Variants in STXBP4 observed in about 807,000 individuals in gnomAD.
STXBP4 encodes syntaxin binding protein 4.
In STXBP4, 55 loss-of-function variants were observed where a neutral mutation model predicts 76.1. The observed-to-expected ratio is 0.72, with a 90% CI of 0.58 to 0.91. The LOEUF is 0.91. Among genes scored for constraint, STXBP4 ranks in the 40% least tolerant of loss-of-function variants. The pLI is 0.00. For missense variants in STXBP4, 618 were observed against 636.9 expected, an observed-to-expected ratio of 0.97 and a Z score of 0.32; for synonymous variants, 201 against 220.2, an observed-to-expected ratio of 0.91 and a Z score of 0.77.
At chr17:55,207,060 T>C in the STXBP4 span, among the ~76,000 whole-genome samples, 1 of 152,072 alleles carries the variant, frequency 6.6e-6, no homozygotes, top group East Asian at 1.9e-4. Flanking sequence ...TGGTTCACCC[T>C]ACAAGCTCAT....
chr17:55,012,066 C>T (rs1258820728), intron 8 of STXBP4, among the ~76,000 whole-genome samples: 1 of 152,100 alleles, frequency 6.6e-6, no homozygotes, highest in Non-Finnish European at 1.5e-5. Flanking sequence ...ATTTGAAGAA[C>T]TATTTATGGT....
intron 16 of STXBP4, among the ~76,000 whole-genome samples, chr17:55,115,436 A>G (rs1047658054): frequency 2.0e-5 from 3 of 151,784 alleles, no homozygotes; most frequent in Non-Finnish European, 4.4e-5. Context: ...GTATGTTTTC[A>G]TTTGTTCAGG....
intron 12 of STXBP4, among the ~76,000 whole-genome samples, chr17:55,066,616 A>G (rs1226611002): frequency 6.6e-6 from 1 of 152,232 alleles, no homozygotes; most frequent in Non-Finnish European, 1.5e-5. Flanking sequence ...TTGACAAACA[A>G]GTATAATTGT....
rs865913679 is a variant in STXBP4, at chr17:55,051,292, G to T, written c.1011+4138G>T. On this transcript the variant is annotated intron_variant, in intron 12 of 17. Coordinates refer to ENST00000376352, the MANE Select transcript of STXBP4 (RefSeq NM_178509.6). ...TGTACTGAAGAAAATGAATCTAATT[G>T]TATTTCAAATGAATACCATAATTAT... Among the ~76,000 whole-genome samples the T allele has an allele frequency of 2.0e-5, 3 of 151,994 alleles. No individual in the cohort carries two copies. The South Asian group carries it at 6.2e-4, about 32-fold the overall frequency.
chr17:55,002,177 A>C (rs73323227), intron 7 of STXBP4, among the ~76,000 whole-genome samples: 2,473 of 152,314 alleles, frequency 0.016, 68 homozygotes, highest in African/African-American at 0.057. Context: ...CAAATGAAAC[A>C]GTCATGAGAT....
At chr17:55,202,215 G>A in the STXBP4 span, among the ~76,000 whole-genome samples, 1 of 151,814 alleles carries the variant, frequency 6.6e-6, no homozygotes, top group African/African-American at 2.4e-5. Flanking sequence ...TACCAACTCA[G>A]CCTTTCCACA....
At chr17:55,121,015 CT>C (rs1242750935) in intron 16 of STXBP4, among the ~76,000 whole-genome samples, 1 of 152,130 alleles carries the variant, frequency 6.6e-6, no homozygotes, top group African/African-American at 2.4e-5. Context: ...TTTATACATG[CT>C]GGTTTTTCCT....
intron 8 of STXBP4, among the ~76,000 whole-genome samples, chr17:55,009,886 TACTG>T (rs2078076241): frequency 6.6e-6 from 1 of 152,048 alleles, no homozygotes; most frequent in Non-Finnish European, 1.5e-5. Context: ...GTTTTGCACA[TACTG>T]ATATTAATGT....
At position 54,983,880 on chromosome 17, in the gene STXBP4, T is replaced by A. The variant is rs181333741; in HGVS notation, c.-156-1734T>A. ...GTGGACAGCTGCAGTGGCTCTTGAC[T>A]CTGAGAGACTACTAGTCAAAGCCCA... is the stretch of plus-strand genomic sequence containing the variant. On this transcript the variant is annotated intron_variant, in intron 1 of 17. Transcript: ENST00000376352. 2.9e-3 allele frequency among the ~76,000 whole-genome samples: 439 copies of A among 152,326 alleles called. 3 individuals are homozygous for A. Among genetic ancestry groups the A allele is most frequent in the African/African-American group, 9.5e-3 (396 of 41,564 alleles).
At chr17:55,014,969 T>TA (rs1049036920) in intron 8 of STXBP4, among the ~76,000 whole-genome samples, 8 of 152,106 alleles carry the variant, frequency 5.3e-5, no homozygotes, top group Non-Finnish European at 7.4e-5. Context: ...ATTTCTATTA[T>TA]AAAAAAACCG....
At chr17:55,212,364 C>T in the STXBP4 span, among the ~76,000 whole-genome samples, 3 of 152,266 alleles carry the variant, frequency 2.0e-5, no homozygotes, top group Middle Eastern at 6.8e-3. Context: ...TTGAATGAAT[C>T]CATCTATATT....
At chr17:55,099,846 G>T (rs1030410845) in intron 16 of STXBP4, among the ~76,000 whole-genome samples, 1 of 152,106 alleles carries the variant, frequency 6.6e-6, no homozygotes, top group African/African-American at 2.4e-5. Context: ...TCCTAAGTAG[G>T]TACCACGTAC....
intron 10 of STXBP4, among the ~76,000 whole-genome samples, chr17:55,038,637 C>G (rs2078644885): frequency 6.6e-6 from 1 of 151,934 alleles, no homozygotes; most frequent in African/African-American, 2.4e-5. Flanking sequence ...AGTGCTACAC[C>G]TGCTGCTGGC....
At chr17:55,077,942 A>G in intron 13 of STXBP4, 136 bp from the exon 14 acceptor site, 1 of 524,330 alleles carries the variant, frequency 1.9e-6, no homozygotes, top group Non-Finnish European at 3.3e-6. Flanking sequence ...ATGCCCCCCA[A>G]AATCAAAACA....
intron 17 of STXBP4, among the ~76,000 whole-genome samples, chr17:55,144,601 C>T (rs2080131700): frequency 6.6e-6 from 1 of 152,226 alleles, no homozygotes; most frequent in African/African-American, 2.4e-5. Flanking sequence ...CACAAGCCAC[C>T]TTCTTCCCCA....
chr17:55,055,933 T>G (rs931918977), intron 12 of STXBP4, among the ~76,000 whole-genome samples: 1 of 152,198 alleles, frequency 6.6e-6, no homozygotes, highest in Admixed American at 6.6e-5. Context: ...CTTGGATTTG[T>G]TCTCTGATTT....
At chr17:54,985,434 T>A (rs2077613010) in intron 1 of STXBP4, among the ~76,000 whole-genome samples, 180 bp from the exon 2 acceptor site, 1 of 152,232 alleles carries the variant, frequency 6.6e-6, no homozygotes, top group Non-Finnish European at 1.5e-5. Flanking sequence ...AGAGTTGTAC[T>A]AAATGATCCT....
chr17:55,078,569 A>G, intron 14 of STXBP4, 117 bp from the exon 15 acceptor site: 1 of 655,872 alleles, frequency 1.5e-6, no homozygotes, highest in South Asian at 2.2e-5. Context: ...CCCGCTACAT[A>G]ATAGAAGCAT....
At chr17:55,135,345 A>T (rs982280597) in intron 16 of STXBP4, among the ~76,000 whole-genome samples, 5 of 152,120 alleles carry the variant, frequency 3.3e-5, no homozygotes, top group African/African-American at 1.2e-4. Flanking sequence ...GTAAAATTAT[A>T]TATGTATATA....
Sources: allele counts gnomAD v4.1 joint callset (sites outside exome capture counted in the v4.1 genomes callset), GRCh38; gene constraint gnomAD v4.1.1; transcripts MANE v1.5; gene names NCBI Gene and HGNC (gene_info 2026-07-23, HGNC 2026-07-21).